Variants in CRPPA observed in about 807,000 individuals in gnomAD.
The protein encoded by CRPPA is CDP-L-ribitol pyrophosphorylase A.
CRPPA carries 43 observed loss-of-function variants against 52.0 expected under a neutral mutation model. The ratio of observed to expected loss-of-function variants is 0.83; its 90% CI spans 0.65 to 1.07. CRPPA has a LOEUF of 1.07. CRPPA is among the 50% of genes least tolerant of loss of function. CRPPA has a pLI of 0.00. For missense variants in CRPPA, 629 were observed against 551.7 expected (o/e 1.14, Z -1.40); for synonymous variants, 250 against 203.5 (o/e 1.23, Z -1.94).
intron 2 of CRPPA, among the ~76,000 whole-genome samples, chr7:16,387,068 T>TATATATATATATATACACAC (rs1554352502): frequency 1.5e-5 from 1 of 68,752 alleles, no homozygotes; most frequent in Admixed American, 1.5e-4. Context: ...TATATATATA[T>TATATATATATATATACACAC]ATATATATAT....
intron 4 of CRPPA, among the ~76,000 whole-genome samples, chr7:16,304,298 T>C (rs913539008): frequency 6.6e-6 from 1 of 152,116 alleles, no homozygotes; most frequent in Non-Finnish European, 1.5e-5. Context: ...CGTGGCCATT[T>C]TCTACCCTGC....
chr7:16,419,774 G>A (rs1463917530), intron 1 of CRPPA, among the ~76,000 whole-genome samples: 1 of 151,080 alleles, frequency 6.6e-6, no homozygotes, highest in Non-Finnish European at 1.5e-5. Flanking sequence ...TCATCAATTC[G>A]CACTCCCCAC....
At chr7:16,228,378 T>C (rs1158120481) in intron 8 of CRPPA, among the ~76,000 whole-genome samples, 2 of 151,928 alleles carry the variant, frequency 1.3e-5, no homozygotes, top group African/African-American at 4.8e-5. Context: ...GTTTTCTAGT[T>C]CCTTCAAGTG....
At chr7:16,250,716 T>G (rs1469690890) in intron 8 of CRPPA, among the ~76,000 whole-genome samples, 1 of 152,148 alleles carries the variant, frequency 6.6e-6, no homozygotes, top group Admixed American at 6.5e-5. Context: ...CAAGAGCTCC[T>G]GAAGGAAGCA....
intron 8 of CRPPA, among the ~76,000 whole-genome samples, chr7:16,233,859 T>C (rs1782870978): frequency 6.6e-6 from 1 of 152,184 alleles, no homozygotes; most frequent in East Asian, 1.9e-4. Flanking sequence ...ATTTTAAGTT[T>C]GAAGGTAACT....
chr7:16,338,805 C>G (rs540445882), intron 3 of CRPPA, among the ~76,000 whole-genome samples: 160 of 141,874 alleles, frequency 1.1e-3, no homozygotes, highest in African/African-American at 4.1e-3. Flanking sequence ...ATCGTGAATT[C>G]TAGCAAACTT....
At chr7:16,407,567 G>A (rs1000099499) in intron 1 of CRPPA, among the ~76,000 whole-genome samples, 6 of 152,112 alleles carry the variant, frequency 3.9e-5, no homozygotes, top group African/African-American at 1.4e-4. Flanking sequence ...TTAAAGATAT[G>A]GAAGGGCCTG....
At chr7:16,155,025 G>C (rs985905166) in intron 9 of CRPPA, among the ~76,000 whole-genome samples, 1 of 148,002 alleles carries the variant, frequency 6.8e-6, no homozygotes, top group African/African-American at 2.5e-5. Flanking sequence ...CACCATGTTG[G>C]TTAGGCTGTC....
chr7:16,286,097 A>AAAAAATATATATATATATATATAT, intron 5 of CRPPA, among the ~76,000 whole-genome samples: 6 of 39,128 alleles, frequency 1.5e-4, no homozygotes, highest in Non-Finnish European at 2.4e-4. Context: ...TAAAAAAAAA[A>AAAAAATATATATATATATATATAT]ATATATATAT....
intron 4 of CRPPA, among the ~76,000 whole-genome samples, chr7:16,306,351 G>C (rs115923120): frequency 1.8e-4 from 27 of 152,184 alleles, no homozygotes; most frequent in African/African-American, 6.3e-4. Context: ...TCAGGTTAGC[G>C]TGCACTGATA....
chr7:16,403,420 T>C (rs1205642952), intron 2 of CRPPA, among the ~76,000 whole-genome samples: 1 of 152,060 alleles, frequency 6.6e-6, no homozygotes, highest in East Asian at 1.9e-4. Context: ...AAATGGAAAG[T>C]CAGTTAAAAT....
At chr7:16,380,841 C>A (rs1219054932) in intron 2 of CRPPA, among the ~76,000 whole-genome samples, 2 of 152,064 alleles carry the variant, frequency 1.3e-5, no homozygotes, top group Non-Finnish European at 2.9e-5. Context: ...GTGATATCCC[C>A]TTTATCATTT....
chr7:16,181,770 A>G (rs1311818802), intron 9 of CRPPA, among the ~76,000 whole-genome samples: 2 of 152,038 alleles, frequency 1.3e-5, no homozygotes, highest in East Asian at 3.8e-4. Context: ...AGCCTCTAAG[A>G]CACTTTTATG....
At chr7:16,221,474 A>C (rs1322758618) in intron 8 of CRPPA, among the ~76,000 whole-genome samples, 1 of 152,238 alleles carries the variant, frequency 6.6e-6, no homozygotes, top group Non-Finnish European at 1.5e-5. Context: ...GAGCTTCTGC[A>C]CAGCAAAAGA....
chr7:16,252,373 C>T (rs773671120), intron 8 of CRPPA, among the ~76,000 whole-genome samples: 21 of 152,256 alleles, frequency 1.4e-4, no homozygotes, highest in Middle Eastern at 3.4e-3. Context: ...TAAAAACTCT[C>T]AATAAACTAA....
At chr7:16,164,816 C>T (rs1480642249) in intron 9 of CRPPA, among the ~76,000 whole-genome samples, 1 of 152,162 alleles carries the variant, frequency 6.6e-6, no homozygotes, top group Non-Finnish European at 1.5e-5. Context: ...ACACTGTTTG[C>T]CCACGTATTG....
chr7:16,253,027 C>T (rs974428957), intron 8 of CRPPA, among the ~76,000 whole-genome samples: 1 of 151,986 alleles, frequency 6.6e-6, no homozygotes, highest in Non-Finnish European at 1.5e-5. Flanking sequence ...AGTGGTCTAT[C>T]TATTTTGTTG....
chr7:16,308,291 A>T lies in CRPPA; in HGVS notation c.789+232T>A, dbSNP rs182631344. On this transcript the variant is annotated intron_variant, in intron 4 of 9. Coordinates refer to ENST00000407010, the MANE Select transcript of CRPPA (RefSeq NM_001101426.4). ...GCTATCTACAGAGAGGAAGAAAAAGAAAAAAGTGAATAAACCAATCTCACA... is the reference window on the plus strand; with the variant it reads ...GCTATCTACAGAGAGGAAGAAAAAGTAAAAAGTGAATAAACCAATCTCACA... Among the ~76,000 whole-genome samples the T allele has an allele frequency of 4.3e-4, 65 of 152,300 alleles. 1 individual carries two copies. In the East Asian group the frequency reaches 8.9e-3, roughly 21 times the overall value.
intron 8 of CRPPA, among the ~76,000 whole-genome samples, chr7:16,222,474 A>C (rs1782542340): frequency 1.3e-5 from 2 of 152,036 alleles, no homozygotes; most frequent in East Asian, 3.9e-4. Flanking sequence ...AAGAAAAACC[A>C]AATGCTAATA....
Sources: gnomAD v4.1 joint callset for allele counts (sites outside exome capture counted in the v4.1 genomes callset) on GRCh38, gnomAD v4.1.1 for gene constraint, MANE v1.5 for transcripts, NCBI Gene and HGNC (gene_info 2026-07-23, HGNC 2026-07-21) for gene names.